ST8SIA6: variants seen among roughly 807,000 people sequenced by gnomAD.
ST8SIA6 encodes the protein ST8 alpha-N-acetyl-neuraminide alpha-2,8-sialyltransferase 6, also known as alpha-2,8-sialyltransferase 8F.
A neutral mutation model predicts 33.6 loss-of-function variants in ST8SIA6; 39 were observed. The observed-to-expected ratio is 1.16, with a 90% confidence interval of 0.90 to 1.52. The LOEUF is 1.52. Among genes scored for constraint, ST8SIA6 ranks in the 40% most tolerant of loss-of-function variants. The probability of loss-of-function intolerance (pLI) is 0.00; values close to 1 mark genes in which losing one functional copy is unlikely to be tolerated. For missense variants in ST8SIA6, 441 were observed against 443.8 expected, an observed-to-expected ratio of 0.99 and a Z score of 0.06; for synonymous variants, 172 against 167.2, an observed-to-expected ratio of 1.03 and a Z score of -0.22.
intron 3 of ST8SIA6, among the ~76,000 whole-genome samples, chr10:17,375,616 C>G (rs1424082914): frequency 1.3e-5 from 2 of 152,240 alleles, no homozygotes; most frequent in Non-Finnish European, 1.5e-5. Flanking sequence ...TAGACACTCA[C>G]CTATGGCGTA....
At chr10:17,367,699 A>C (rs1327772659) in intron 3 of ST8SIA6, among the ~76,000 whole-genome samples, 1 of 152,230 alleles carries the variant, frequency 6.6e-6, no homozygotes, top group Non-Finnish European at 1.5e-5. Context: ...GTATAAGAGA[A>C]TATTGAGAGA....
chr10:17,333,696 TATATATATATA>T (rs1564404908), intron 4 of ST8SIA6, among the ~76,000 whole-genome samples: 5 of 24,756 alleles, frequency 2.0e-4, no homozygotes, highest in South Asian at 1.1e-3. Context: ...TATATATATA[TATATATATATA>T]TATATATATA....
intron 4 of ST8SIA6, among the ~76,000 whole-genome samples, chr10:17,344,194 A>G (rs1848763370): frequency 6.6e-6 from 1 of 152,222 alleles, no homozygotes; most frequent in Non-Finnish European, 1.5e-5. Flanking sequence ...ACAGAGGGGG[A>G]AAAGTCAAGA....
intron 3 of ST8SIA6, among the ~76,000 whole-genome samples, chr10:17,384,021 T>C (rs1435655159): frequency 6.6e-6 from 1 of 152,234 alleles, no homozygotes; most frequent in East Asian, 1.9e-4. Context: ...GCAATAGGAA[T>C]CTGTTTTCAT....
chr10:17,371,429 G>T (rs532774636), intron 3 of ST8SIA6, among the ~76,000 whole-genome samples: 1 of 152,118 alleles, frequency 6.6e-6, no homozygotes, highest in Admixed American at 6.6e-5. Context: ...TGAGGCCTGA[G>T]GATTGAATTC....
At chr10:17,430,970 C>T (rs901410087) in intron 2 of ST8SIA6, among the ~76,000 whole-genome samples, 1 of 152,178 alleles carries the variant, frequency 6.6e-6, no homozygotes, top group African/African-American at 2.4e-5. Flanking sequence ...CCTTTCCCTG[C>T]CTTCAATACA....
rs1049144533 is a variant in ST8SIA6, at chr10:17,315,515, C to T, written c.*5363G>A. Among the ~76,000 whole-genome samples the T allele has an allele frequency of 1.3e-5, 2 of 151,936 alleles. No homozygotes were observed. The highest frequency in any genetic ancestry group is 4.8e-5 in the African/African-American group (2 of 41,430). ...AGCAGATAAGCCAACTGTGGTCCAT[C>T]CATATAACATAATTCTACTCAGTAA... is the stretch of plus-strand genomic sequence containing the variant. On this transcript the variant is annotated 3_prime_UTR_variant, in exon 8 of 8. Transcript: ENST00000377602.
At chr10:17,428,142 C>CGT (rs1851993100) in intron 2 of ST8SIA6, among the ~76,000 whole-genome samples, 1 of 152,150 alleles carries the variant, frequency 6.6e-6, no homozygotes, top group Admixed American at 6.5e-5. Context: ...TCCCTCAATG[C>CGT]CCATTTCTTT....
intron 2 of ST8SIA6, among the ~76,000 whole-genome samples, chr10:17,395,976 A>G (rs1331440133): frequency 6.6e-6 from 1 of 152,148 alleles, no homozygotes; most frequent in Non-Finnish European, 1.5e-5. Flanking sequence ...CCCCAAAGAG[A>G]TAAGTTATGG....
chr10:17,384,044 A>C (rs1208576418), intron 3 of ST8SIA6, among the ~76,000 whole-genome samples: 1 of 152,262 alleles, frequency 6.6e-6, no homozygotes, highest in Non-Finnish European at 1.5e-5. Context: ...GTGACAGGAC[A>C]CAATTGGAGA....
intron 4 of ST8SIA6, among the ~76,000 whole-genome samples, chr10:17,333,059 A>G (rs947749071): frequency 6.6e-6 from 1 of 152,088 alleles, no homozygotes; most frequent in African/African-American, 2.4e-5. Context: ...TTAGTTTAAA[A>G]TCAATGTGCA....
chr10:17,346,690 G>C (rs1322779778), intron 4 of ST8SIA6, among the ~76,000 whole-genome samples: 1 of 152,198 alleles, frequency 6.6e-6, no homozygotes, highest in Non-Finnish European at 1.5e-5. Flanking sequence ...TAAGCCATCA[G>C]TTTGGGGGCA....
intron 2 of ST8SIA6, among the ~76,000 whole-genome samples, chr10:17,422,785 C>CACTGAT (rs1851818351): frequency 6.6e-6 from 1 of 152,200 alleles, no homozygotes; most frequent in Non-Finnish European, 1.5e-5. Context: ...GACTGGGTTT[C>CACTGAT]ACTGATTGAG....
At chr10:17,334,465 G>A (rs2131589512) in intron 4 of ST8SIA6, among the ~76,000 whole-genome samples, 1 of 150,822 alleles carries the variant, frequency 6.6e-6, no homozygotes, top group South Asian at 2.1e-4. Flanking sequence ...TGTGAACCCA[G>A]AAAGAGGAGC....
At chr10:17,420,764 A>G (rs1052773052) in intron 2 of ST8SIA6, among the ~76,000 whole-genome samples, 1 of 152,198 alleles carries the variant, frequency 6.6e-6, no homozygotes, top group Admixed American at 6.5e-5. Flanking sequence ...GTGTCACACT[A>G]CTATAAAGAA....
chr10:17,378,932 C>G (rs376781678), intron 3 of ST8SIA6, among the ~76,000 whole-genome samples: 8 of 152,056 alleles, frequency 5.3e-5, no homozygotes, highest in African/African-American at 1.2e-4. Flanking sequence ...CAAGACCATC[C>G]TGGCTAACAT....
rs1289654690 is a variant in ST8SIA6 at position 17,454,284 on chromosome 10, T to G, written c.-29A>C. On this transcript the variant is annotated 5_prime_UTR_variant, in exon 1 of 8. Coordinates refer to ENST00000377602, the MANE Select transcript of ST8SIA6 (RefSeq NM_001004470.3). The surrounding 1 kb of genome is among the most constrained non-coding windows in gnomAD (Gnocchi z 4.1). ...GAGCCACAGGCGCCGCCGCCACCGCTGCTGCCGGGGCGAAGCACAGCCCGG... is the reference window on the plus strand; with the variant it reads ...GAGCCACAGGCGCCGCCGCCACCGCGGCTGCCGGGGCGAAGCACAGCCCGG... 1.5e-5 allele frequency: 3 copies of G among 199,248 alleles called. No individual in the cohort carries two copies. Among genetic ancestry groups the G allele is most frequent in the African/African-American group, 4.7e-5 (2 of 42,128 alleles). The allele number at this position is 199,248 out of a possible 1,614,324, so 12.3% of individuals were successfully genotyped here.
At chr10:17,386,566 C>T (rs1161660661) in intron 3 of ST8SIA6, among the ~76,000 whole-genome samples, 2 of 152,138 alleles carry the variant, frequency 1.3e-5, no homozygotes, top group Non-Finnish European at 2.9e-5. Context: ...ATGTAGTTAA[C>T]CTGCAACGAC....
At chr10:17,429,431 C>G (rs978661002) in intron 2 of ST8SIA6, among the ~76,000 whole-genome samples, 1 of 151,714 alleles carries the variant, frequency 6.6e-6, no homozygotes, top group African/African-American at 2.4e-5. Flanking sequence ...CTTCCTCCAC[C>G]TGGATGGTTG....
Sources: gnomAD v4.1 joint callset for allele counts (sites outside exome capture counted in the v4.1 genomes callset) on GRCh38, gnomAD v4.1.1 for gene constraint, Gnocchi (gnomAD v3.1) non-coding constraint, MANE v1.5 for transcripts, NCBI Gene and HGNC (gene_info 2026-07-23, HGNC 2026-07-21) for gene names.